Variants in NIPSNAP2 observed in about 807,000 individuals in gnomAD.
NIPSNAP2 encodes protein NipSnap homolog 2.
A neutral mutation model predicts 48.4 loss-of-function variants in NIPSNAP2; 42 were observed. The ratio of observed to expected loss-of-function variants is 0.87; its 90% CI spans 0.68 to 1.12. The LOEUF is 1.12. NIPSNAP2 is among the 50% of genes most tolerant of loss of function. The pLI, the probability that NIPSNAP2 is intolerant of heterozygous loss-of-function variation, is 0.00. For synonymous variants in NIPSNAP2, 158 were observed against 126.6 expected (o/e 1.25, Z -1.67); for missense variants, 314 against 347.3 (o/e 0.90, Z 0.76).
intron 1 of NIPSNAP2, among the ~76,000 whole-genome samples, chr7:55,965,360 C>A (rs768296710): frequency 4.0e-5 from 6 of 151,232 alleles, no homozygotes; most frequent in African/African-American, 7.3e-5. Flanking sequence ...TTTCTAACTT[C>A]AGTGGATTGG....
chr7:55,971,244 C>G (rs1787011071), intron 1 of NIPSNAP2, among the ~76,000 whole-genome samples: 1 of 152,064 alleles, frequency 6.6e-6, no homozygotes, highest in South Asian at 2.1e-4. Context: ...TCACCTGACA[C>G]TCAAAGATTT....
At chr7:55,974,000 G>A (rs775331647) in intron 1 of NIPSNAP2, among the ~76,000 whole-genome samples, 6 of 151,986 alleles carry the variant, frequency 3.9e-5, no homozygotes, top group South Asian at 2.1e-4. Context: ...TGAGGCTGGC[G>A]GATCACTTAA....
intron 1 of NIPSNAP2, among the ~76,000 whole-genome samples, chr7:55,975,612 C>G (rs1445124903): frequency 6.6e-6 from 1 of 152,106 alleles, no homozygotes. Context: ...TGTTGTGATG[C>G]TGGTTACATT....
intron 1 of NIPSNAP2, among the ~76,000 whole-genome samples, chr7:55,971,446 G>A (rs1787014317): frequency 6.6e-6 from 1 of 152,078 alleles, no homozygotes; most frequent in African/African-American, 2.4e-5. Flanking sequence ...CACCCAAAGG[G>A]GAATCCCTTT....
intron 7 of NIPSNAP2, among the ~76,000 whole-genome samples, chr7:55,989,785 C>T (rs1410457377): frequency 2.0e-5 from 3 of 152,084 alleles, no homozygotes; most frequent in Admixed American, 2.0e-4. Flanking sequence ...AGTCTCCATA[C>T]TTACTTCATT....
At chr7:55,989,252 T>C (rs1787394501) in intron 7 of NIPSNAP2, among the ~76,000 whole-genome samples, 2 of 152,162 alleles carry the variant, frequency 1.3e-5, no homozygotes, top group Non-Finnish European at 2.9e-5. Context: ...TGTAACAAAA[T>C]ACCAGCTTTC....
rs149449225 is a variant in NIPSNAP2 at position 55,965,819 on chromosome 7, G to A, written c.92+1118G>A. Among the ~76,000 whole-genome samples, 888 of 152,276 alleles carry A rather than the reference G, an allele frequency of 5.8e-3. 8 individuals are homozygous for A. The highest frequency in any genetic ancestry group is 0.01 in the South Asian group (50 of 4,828). On this transcript the variant is annotated intron_variant, in intron 1 of 9. Coordinates refer to ENST00000322090, the MANE Select transcript of NIPSNAP2 (RefSeq NM_001483.3). ...TGATCTCGAACTCCTGACCTCAGGT[G>A]ATCCACCTGCCGCGGCCTCCCAAAG... is the stretch of plus-strand genomic sequence containing the variant.
At chr7:55,969,513 C>A (rs537656452) in intron 1 of NIPSNAP2, among the ~76,000 whole-genome samples, 1 of 152,148 alleles carries the variant, frequency 6.6e-6, no homozygotes, top group East Asian at 1.9e-4. Context: ...GCTGCCCTTA[C>A]CCATGCCACA....
intron 3 of NIPSNAP2, chr7:55,980,674 G>A (rs1459097901): frequency 6.6e-6 from 1 of 152,092 alleles, no homozygotes; most frequent in Non-Finnish European, 1.5e-5. Flanking sequence ...ATGGAACCAA[G>A]CTCCACTCTG....
At chr7:55,984,601 C>A (rs902618699) in intron 6 of NIPSNAP2, among the ~76,000 whole-genome samples, 2 of 151,696 alleles carry the variant, frequency 1.3e-5, no homozygotes, top group Non-Finnish European at 2.9e-5. Context: ...CGCCGGTAAT[C>A]CCAGCTACTC....
intron 9 of NIPSNAP2, among the ~76,000 whole-genome samples, chr7:55,998,227 T>A (rs965329990): frequency 6.0e-5 from 9 of 151,118 alleles, no homozygotes; most frequent in African/African-American, 2.2e-4. Context: ...CCAGCCTGGG[T>A]GACAGAGCAA....
At chr7:55,982,355 C>A in intron 5 of NIPSNAP2, 75 bp downstream of exon 5, 2 of 907,952 alleles carry the variant, frequency 2.2e-6, no homozygotes, top group Non-Finnish European at 3.4e-6. Context: ...ACTTTTCTGT[C>A]TTCAGTTTTT....
intron 1 of NIPSNAP2, among the ~76,000 whole-genome samples, chr7:55,972,212 A>G (rs1295096933): frequency 6.6e-6 from 1 of 151,710 alleles, no homozygotes. Context: ...AGGCTGAGGC[A>G]GGAGAATCAC....
chr7:55,968,939 C>T (rs1287679549), intron 1 of NIPSNAP2, among the ~76,000 whole-genome samples: 1 of 151,662 alleles, frequency 6.6e-6, no homozygotes, highest in Non-Finnish European at 1.5e-5. Context: ...CCCAGCTATA[C>T]AGGTGGCTGA....
chr7:55,976,473 G>C (rs1787109290), intron 1 of NIPSNAP2, among the ~76,000 whole-genome samples: 1 of 152,184 alleles, frequency 6.6e-6, no homozygotes, highest in South Asian at 2.1e-4. Flanking sequence ...GTCATTATTG[G>C]GCTGAAGTCA....
At chr7:55,969,619 C>T (rs145431379) in intron 1 of NIPSNAP2, among the ~76,000 whole-genome samples, 8 of 152,212 alleles carry the variant, frequency 5.3e-5, no homozygotes, top group Non-Finnish European at 1.0e-4. Flanking sequence ...ACTGAGCTCC[C>T]GTGAAGTCAG....
chr7:55,980,053 C>T (rs1787181081), intron 3 of NIPSNAP2: 1 of 299,848 alleles, frequency 3.3e-6, no homozygotes, highest in Non-Finnish European at 6.8e-6. Context: ...GCACTGCCTC[C>T]AATGCAGGGT....
At chr7:55,998,867 G>A in intron 9 of NIPSNAP2, 141 bp from the exon 10 acceptor site, 1 of 720,090 alleles carries the variant, frequency 1.4e-6, no homozygotes, top group South Asian at 1.6e-5. Context: ...TTCTGCCCTT[G>A]AGGTTAGTCC....
At chr7:55,990,939 C>T (rs995002646) in intron 7 of NIPSNAP2, among the ~76,000 whole-genome samples, 2 of 151,954 alleles carry the variant, frequency 1.3e-5, no homozygotes, top group Admixed American at 1.3e-4. Context: ...AGGCGTGCAC[C>T]GCCACACCTG....
Sources: gnomAD v4.1 joint callset for allele counts (sites outside exome capture counted in the v4.1 genomes callset) on GRCh38, gnomAD v4.1.1 for gene constraint, MANE v1.5 for transcripts, NCBI Gene and HGNC (gene_info 2026-07-23, HGNC 2026-07-21) for gene names.